The following SYT3 variants were observed in gnomAD, a reference collection of about 807,000 sequenced individuals.
The protein encoded by SYT3 is synaptotagmin-3.
SYT3 carries 25 observed loss-of-function variants against 50.6 expected under a neutral mutation model. The ratio of observed to expected loss-of-function variants is 0.49; its 90% CI spans 0.36 to 0.69. The LOEUF is 0.69. SYT3 is among the 30% of genes least tolerant of loss of function. The pLI, the probability that SYT3 is intolerant of heterozygous loss-of-function variation, is 0.00. For synonymous variants in SYT3, 323 were observed against 353.9 expected, an observed-to-expected ratio of 0.91 and a Z score of 0.98; for missense variants, 589 against 793.6, an observed-to-expected ratio of 0.74 and a Z score of 3.10.
chr19:50,639,827 CG>C lies in SYT3; in HGVS notation c.-192del, dbSNP rs1323555700. The C allele has an allele frequency of 6.2e-6, 1 of 160,076 alleles. No homozygotes were observed. The highest frequency in any genetic ancestry group is 1.3e-5 in the Non-Finnish European group (1 of 74,744). The allele number at this position is 160,076 out of a possible 1,614,324, so 9.9% of individuals were successfully genotyped here. A position where few individuals can be genotyped will look rare whatever the true frequency, so the allele number is the denominator to read the frequency against. ...CTGCCGCCGCTGCCGCCGCCGCCGC[CG>C]CCGCAGCCCCGCGCGCCAGCCGCGG... On this transcript the variant is annotated 5_prime_UTR_variant, in exon 1 of 11. Transcript: ENST00000600079. This position sits in a 1 kb window ranked among gnomAD's most constrained non-coding sequence, Gnocchi z 4.6.
chr19:50,653,334 C>T, the SYT3 span, among the ~76,000 whole-genome samples: 35 of 152,154 alleles, frequency 2.3e-4, no homozygotes, highest in Non-Finnish European at 2.8e-4. Context: ...CTACTGTGCC[C>T]GGCCACAGTG....
At chr19:50,648,113 G>A in the SYT3 span, among the ~76,000 whole-genome samples, 5 of 152,082 alleles carry the variant, frequency 3.3e-5, 1 homozygote, top group South Asian at 8.3e-4. Flanking sequence ...GTATCTTTGG[G>A]CTATGCTTCC....
Position 50,637,169 on chromosome 19 carries a change from G to T in SYT3, c.148+95C>A. On this transcript the variant is annotated intron_variant, in intron 3 of 10. Transcript: ENST00000600079. This position sits in a 1 kb window ranked among gnomAD's most constrained non-coding sequence, Gnocchi z 4.9. ...TGGGGGCAAGACGCTACGAGGGACT[G>T]ACCCCACAAGCAATGGAAAGCTGAG... 1 of 1,463,714 alleles carries T rather than the reference G, an allele frequency of 6.8e-7. No homozygotes were observed. Among genetic ancestry groups the T allele is most frequent in the Non-Finnish European group, 9.4e-7 (1 of 1,067,870 alleles). 90.7% of individuals were successfully genotyped at this position (1,463,714 alleles called of 1,614,324 possible).
In SYT3 at chr19:50,630,089, G is replaced by T. The variant is rs1349259181; in HGVS notation, c.757C>A (p.Leu253Met). Residue 253 changes from leucine (L) to methionine (M), a missense_variant, in exon 5 of 11, where the codon CTG becomes ATG. This residue lies in a region of SYT3 where 316 missense variants were observed against 354.3 expected (regional missense o/e 0.89). Transcript: ENST00000600079. Reference protein sequence around the residue: ...DPSSEERPPALPLPLPGGEEK... With the variant: ...DPSSEERPPAMPLPLPGGEEK... Reference sequence around the variant, plus strand: ...TCGCCTCCAGGCAGGGGTAAGGGCAGGGCAGGTGGCCGCTCCTCACTGCTG... The same window carrying T: ...TCGCCTCCAGGCAGGGGTAAGGGCATGGCAGGTGGCCGCTCCTCACTGCTG... The T allele has an allele frequency of 1.2e-6, 2 of 1,611,792 alleles. No individual in the cohort carries two copies. Among genetic ancestry groups the T allele is most frequent in the African/African-American group, 2.7e-5 (2 of 74,890 alleles).
Position 50,637,483 on chromosome 19 carries a change from G to A in SYT3, c.-15-57C>T, listed in dbSNP as rs1599821154. On this transcript the variant is annotated intron_variant, in intron 2 of 10. Transcript: ENST00000600079. The surrounding 1 kb of genome is among the most constrained non-coding windows in gnomAD (Gnocchi z 4.9). The stretch of plus-strand genomic sequence containing the variant: ...GATGGGAAACAGAATGGGAGTGCAG[G>A]GTGGGCAGGTGTGGAGATAAGGGTG... The A allele has an allele frequency of 2.0e-6, 3 of 1,489,292 alleles. No homozygotes were observed. The highest frequency in any genetic ancestry group is 2.7e-5 in the African/African-American group (2 of 72,860). 92.3% of individuals were successfully genotyped at this position (1,489,292 alleles called of 1,614,324 possible). A position where few individuals can be genotyped will look rare whatever the true frequency, so the allele number is the denominator to read the frequency against.
chr19:50,640,661 C>T (rs1984647799), upstream of SYT3, among the ~76,000 whole-genome samples: 1 of 152,102 alleles, frequency 6.6e-6, no homozygotes. Context: ...TTTTGGCTTC[C>T]CTGGACTGCA....
rs1368348741 is a variant in SYT3 at position 50,625,473 on chromosome 19, A to G, written c.1494T>C (p.Tyr498=). The part of the protein sequence containing the change: ...SIKKNTLNPT[Y]NEALVFDVAP... ...CCACGTCGAACACCAGCGCCTCATTATAGGTGGGGTTCAGCGTGTTCTTCT... is the reference window on the plus strand; with the variant it reads ...CCACGTCGAACACCAGCGCCTCATTGTAGGTGGGGTTCAGCGTGTTCTTCT... Residue 498 remains tyrosine, a synonymous_variant, in exon 8 of 11, where the codon TAT becomes TAC. Transcript: ENST00000600079. The surrounding 1 kb of genome is among the most constrained non-coding windows in gnomAD (Gnocchi z 7.5). 1 of 1,605,484 alleles carries G rather than the reference A, an allele frequency of 6.2e-7. No homozygotes were observed. The highest frequency in any genetic ancestry group is 2.2e-5 in the East Asian group (1 of 44,646).
rs552580349 is a variant in SYT3, at chr19:50,638,613, A to C, written c.-16+412T>G. On this transcript the variant is annotated intron_variant, in intron 2 of 10. Transcript: ENST00000600079. ...GAATGAACCGAGATGTAATTAATTC[A>C]CGGGGGCTTGAGAGACGAGAGGACG... 5.4e-4 allele frequency among the ~76,000 whole-genome samples: 82 copies of C among 152,260 alleles called. 2 individuals carry two copies. Among genetic ancestry groups the C allele is most frequent in the African/African-American group, 1.8e-3 (76 of 41,552 alleles).
At chr19:50,650,828 C>G in the SYT3 span, among the ~76,000 whole-genome samples, 1 of 152,226 alleles carries the variant, frequency 6.6e-6, no homozygotes, top group Non-Finnish European at 1.5e-5. Flanking sequence ...CTTTAGGTCT[C>G]TTTTAGTGCT....
At chr19:50,643,140 G>T (rs1008714717), upstream of SYT3, among the ~76,000 whole-genome samples, 6 of 152,094 alleles carry the variant, frequency 3.9e-5, no homozygotes, top group African/African-American at 1.4e-4. Flanking sequence ...GGAGGCCAAA[G>T]GTGAGAGGAT....
chr19:50,646,770 A>G, the SYT3 span, among the ~76,000 whole-genome samples: 1 of 152,064 alleles, frequency 6.6e-6, no homozygotes, highest in Non-Finnish European at 1.5e-5. Flanking sequence ...CAGCATATGG[A>G]AAGAGTGGAG....
intron 3 of SYT3, among the ~76,000 whole-genome samples, chr19:50,633,703 T>C (rs1311225675): frequency 6.6e-6 from 1 of 152,206 alleles, no homozygotes; most frequent in East Asian, 1.9e-4. Flanking sequence ...ATAACAAACA[T>C]ATCTTGAGGG....
rs867445618 is a variant in SYT3, at chr19:50,625,925, G to C, written c.1374C>G (p.Leu458=). The part of the protein sequence containing the change: ...LTVTIIKASN[L]KAMDLTGFSD... ...AGAAGCCAGTGAGGTCCATCGCTTT[G>C]AGGTTAGAGGCTTTGATGATGGTCA... is the stretch of plus-strand genomic sequence containing the variant. The change falls in exon 7 of 11, where the codon CTC becomes CTG. Residue 458 remains leucine (L), a synonymous_variant. Coordinates refer to ENST00000600079, the MANE Select transcript of SYT3 (RefSeq NM_001160329.2). The surrounding 1 kb of genome is among the most constrained non-coding windows in gnomAD (Gnocchi z 7.5). The C allele has an allele frequency of 6.2e-7, 1 of 1,613,976 alleles. No individual in the cohort carries two copies. Among genetic ancestry groups the C allele is most frequent in the African/African-American group, 1.3e-5 (1 of 74,902 alleles).
At chr19:50,635,591 A>G (rs763253093) in intron 3 of SYT3, among the ~76,000 whole-genome samples, 51 of 152,234 alleles carry the variant, frequency 3.4e-4, no homozygotes, top group Non-Finnish European at 2.6e-4. Flanking sequence ...GTCTTTGTTT[A>G]CCTGGGGCCT....
chr19:50,629,595 C>T (rs1389798153), intron 5 of SYT3, 83 bp from the exon 6 acceptor site: 6 of 1,411,978 alleles, frequency 4.2e-6, no homozygotes, highest in Admixed American at 4.3e-5. Context: ...CCCCCAGCCC[C>T]TCCTCCCTCA....
chr19:50,635,609 T>C (rs1474920765), intron 3 of SYT3, among the ~76,000 whole-genome samples: 2 of 152,204 alleles, frequency 1.3e-5, no homozygotes, highest in African/African-American at 2.4e-5. Context: ...CCTTGGATCA[T>C]GTGGCATAGT....
Position 50,627,913 on chromosome 19 carries a change from G to A in SYT3, c.1281+1381C>T, listed in dbSNP as rs374614034. ...GGGTGATGACTGGGAGTAGGAGCTG[G>A]TGGAATACACAGGGGCCCTGGGACC... On this transcript the variant is annotated intron_variant, in intron 6 of 10. Transcript: ENST00000600079. Among the ~76,000 whole-genome samples, 105 of 152,316 alleles carry A rather than the reference G, an allele frequency of 6.9e-4. 1 individual carries two copies. In the South Asian group the frequency reaches 9.9e-3, roughly 14 times the overall value.
chr19:50,652,687 A>T, the SYT3 span, among the ~76,000 whole-genome samples: 1 of 152,170 alleles, frequency 6.6e-6, no homozygotes, highest in Non-Finnish European at 1.5e-5. Context: ...GGTCACTGGA[A>T]GGACTTTGGA....
Position 50,625,699 on chromosome 19 carries a change from G to A in SYT3, c.1403-135C>T. 7.2e-7 allele frequency: 1 copy of A among 1,397,118 alleles called. No individual in the cohort carries two copies. The highest frequency in any genetic ancestry group is 9.6e-7 in the Non-Finnish European group (1 of 1,043,856). 86.5% of individuals were successfully genotyped at this position (1,397,118 alleles called of 1,614,324 possible). Reference sequence around the variant, plus strand: ...AGGCCCCCAGTCCCTCCTTCCTCAGGCCCAAGAGTCCAGACCCCAGGTCCT... The same window carrying A: ...AGGCCCCCAGTCCCTCCTTCCTCAGACCCAAGAGTCCAGACCCCAGGTCCT... On this transcript the variant is annotated intron_variant, in intron 7 of 10. Transcript: ENST00000600079. This position sits in a 1 kb window ranked among gnomAD's most constrained non-coding sequence, Gnocchi z 7.5.
Sources: allele counts gnomAD v4.1 joint callset (sites outside exome capture counted in the v4.1 genomes callset), GRCh38; gene constraint gnomAD v4.1.1; regional missense constraint gnomAD v4.1.1; non-coding constraint Gnocchi (gnomAD v3.1); transcripts MANE v1.5; gene names NCBI Gene and HGNC (gene_info 2026-07-23, HGNC 2026-07-21).